Variants in ZNF385D observed in about 807,000 individuals in gnomAD.
The protein encoded by ZNF385D is zinc finger protein 385D.
A neutral mutation model predicts 35.8 loss-of-function variants in ZNF385D; 15 were observed. The observed-to-expected ratio is 0.42, with a 90% CI of 0.28 to 0.64. ZNF385D has a LOEUF of 0.64. ZNF385D is among the 30% of genes least tolerant of loss of function. ZNF385D has a pLI of 0.23. For missense variants in ZNF385D, 474 were observed against 494.6 expected (o/e 0.96, Z 0.39); for synonymous variants, 212 against 186.8 (o/e 1.13, Z -1.10).
chr3:22,035,042 G>A (rs1252105980), intron 3 of ZNF385D, among the ~76,000 whole-genome samples: 2 of 152,004 alleles, frequency 1.3e-5, no homozygotes, highest in African/African-American at 2.4e-5. Flanking sequence ...CAACATTGTC[G>A]ATTTATATAC....
Position 21,616,504 on chromosome 3 carries a change from G to A in ZNF385D, c.165+48382C>T, listed in dbSNP as rs138957126. ...GGGGGACCTTCTACTATTATGCTAA[G>A]TAACTAGTCACAGCAAAATACACTT... On this transcript the variant is annotated intron_variant, in intron 2 of 7. Transcript: ENST00000281523. 1.9e-3 allele frequency among the ~76,000 whole-genome samples: 282 copies of A among 152,204 alleles called. 2 individuals are homozygous for A. The highest frequency in any genetic ancestry group is 6.5e-3 in the African/African-American group (269 of 41,528).
At chr3:21,838,200 G>A (rs1445842885) in intron 3 of ZNF385D, among the ~76,000 whole-genome samples, 1 of 152,034 alleles carries the variant, frequency 6.6e-6, no homozygotes, top group Admixed American at 6.6e-5. Flanking sequence ...CATCATTTTG[G>A]TAATATGGAA....
At chr3:22,172,579 C>T (rs1694534917) in intron 2 of ZNF385D, among the ~76,000 whole-genome samples, 1 of 152,148 alleles carries the variant, frequency 6.6e-6, no homozygotes, top group Admixed American at 6.5e-5. Context: ...TCTTCTCTAA[C>T]CCACGCCACC....
rs1700650028 is a variant in ZNF385D, at chr3:21,419,495, T to G, written c.*1719A>C. On this transcript the variant is annotated 3_prime_UTR_variant, in exon 8 of 8. Transcript: ENST00000281523. The stretch of plus-strand genomic sequence containing the variant: ...AGGGTTACAACACTTTGAGAGCAGT[T>G]TCAGGAAGGCCACACCCAATCCTTC... The G allele has an allele frequency of 6.6e-6, 1 of 152,154 alleles. No individual in the cohort carries two copies. The highest frequency in any genetic ancestry group is 2.1e-4 in the South Asian group (1 of 4,832). 9.4% of individuals were successfully genotyped at this position (152,154 alleles called of 1,614,324 possible).
At chr3:21,716,010 A>C (rs1379317075) in intron 1 of ZNF385D, among the ~76,000 whole-genome samples, 2 of 151,992 alleles carry the variant, frequency 1.3e-5, no homozygotes, top group African/African-American at 4.8e-5. Flanking sequence ...CTAGTTATTC[A>C]ACTTTGAATA....
chr3:22,108,650 C>A (rs2125639512), intron 3 of ZNF385D, among the ~76,000 whole-genome samples: 1 of 152,272 alleles, frequency 6.6e-6, no homozygotes, highest in African/African-American at 2.4e-5. Context: ...CCAATTCTCT[C>A]ATCTGTGAAG....
chr3:21,932,040 A>G (rs533435914), intron 3 of ZNF385D, among the ~76,000 whole-genome samples: 2 of 151,722 alleles, frequency 1.3e-5, no homozygotes, highest in East Asian at 3.9e-4. Flanking sequence ...GGTGGCGGGC[A>G]CCTGTGGTCC....
At chr3:21,739,734 A>G (rs2069420110) in intron 1 of ZNF385D, among the ~76,000 whole-genome samples, 2 of 152,204 alleles carry the variant, frequency 1.3e-5, no homozygotes, top group South Asian at 2.1e-4. Context: ...AAGATGATCC[A>G]TGGTCACCTG....
intron 3 of ZNF385D, among the ~76,000 whole-genome samples, chr3:21,893,914 G>T (rs1187591395): frequency 6.6e-6 from 1 of 152,012 alleles, no homozygotes; most frequent in Non-Finnish European, 1.5e-5. Context: ...TATTTTCATT[G>T]TACAGGTTGT....
intron 2 of ZNF385D, among the ~76,000 whole-genome samples, chr3:22,365,977 T>C (rs1237115595): frequency 2.0e-5 from 3 of 152,152 alleles, no homozygotes; most frequent in Non-Finnish European, 2.9e-5. Flanking sequence ...AGTTGGGGAT[T>C]CAGGATTTTT....
At chr3:22,178,263 T>G (rs1694971309) in intron 2 of ZNF385D, among the ~76,000 whole-genome samples, 1 of 152,204 alleles carries the variant, frequency 6.6e-6, no homozygotes, top group Admixed American at 6.5e-5. Context: ...CCTGACTTTT[T>G]AATGATTGCC....
intron 3 of ZNF385D, among the ~76,000 whole-genome samples, chr3:22,030,299 A>ATATATATATATGTATG (rs1553591392): frequency 8.7e-6 from 1 of 114,754 alleles, no homozygotes; most frequent in Non-Finnish European, 1.8e-5. Flanking sequence ...ATATATATAT[A>ATATATATATATGTATG]TATCCTATTT....
chr3:21,839,872 T>G (rs558278834), intron 3 of ZNF385D, among the ~76,000 whole-genome samples: 1 of 151,882 alleles, frequency 6.6e-6, no homozygotes, highest in Non-Finnish European at 1.5e-5. Flanking sequence ...ACTGGAGGGG[T>G]CAGAAATTGC....
chr3:22,265,614 T>C (rs1700859658), intron 2 of ZNF385D, among the ~76,000 whole-genome samples: 1 of 151,914 alleles, frequency 6.6e-6, no homozygotes, highest in Admixed American at 6.6e-5. Context: ...GGAAGGACTA[T>C]GACACAAGGT....
At chr3:21,534,134 A>G (rs2061984748) in intron 3 of ZNF385D, among the ~76,000 whole-genome samples, 1 of 151,966 alleles carries the variant, frequency 6.6e-6, no homozygotes, top group African/African-American at 2.4e-5. Context: ...GAAGTTAAAA[A>G]AAAAAACTTA....
chr3:22,077,840 G>A (rs188895586), intron 3 of ZNF385D, among the ~76,000 whole-genome samples: 46 of 151,904 alleles, frequency 3.0e-4, no homozygotes, highest in Non-Finnish European at 5.7e-4. Flanking sequence ...TTAGTGATAG[G>A]TTACTATTTA....
At chr3:21,663,915 A>ATATATATATATATATTTATTTATT (rs1159950305) in intron 2 of ZNF385D, among the ~76,000 whole-genome samples, 39 of 105,874 alleles carry the variant, frequency 3.7e-4, no homozygotes, top group Admixed American at 5.0e-4. Flanking sequence ...ATATATATAT[A>ATATATATATATATATTTATTTATT]TATTTATTTA....
At chr3:22,080,695 T>C (rs754597353) in intron 3 of ZNF385D, among the ~76,000 whole-genome samples, 1 of 152,124 alleles carries the variant, frequency 6.6e-6, no homozygotes, top group African/African-American at 2.4e-5. Context: ...CCCCCTAAAA[T>C]TCATATGTTG....
At chr3:22,359,993 T>C (rs1696341388) in intron 2 of ZNF385D, among the ~76,000 whole-genome samples, 1 of 151,884 alleles carries the variant, frequency 6.6e-6, no homozygotes, top group African/African-American at 2.4e-5. Context: ...TAAACATGAA[T>C]GGGAGGCTAG....
Sources: allele counts gnomAD v4.1 joint callset (sites outside exome capture counted in the v4.1 genomes callset), GRCh38; gene constraint gnomAD v4.1.1; transcripts MANE v1.5; gene names NCBI Gene and HGNC (gene_info 2026-07-23, HGNC 2026-07-21).